STXBP5L: variants seen among roughly 807,000 people sequenced by gnomAD.
STXBP5L encodes syntaxin binding protein 5L, also known as syntaxin-binding protein 5-like.
In STXBP5L, 65 loss-of-function variants were observed where a neutral mutation model predicts 144.5. That is an observed-to-expected ratio of 0.45 (90% confidence interval 0.37 to 0.55). The LOEUF (loss-of-function observed/expected upper bound fraction) is 0.55. Ranked by LOEUF, STXBP5L falls within the 20% of genes least tolerant of loss-of-function variation. The pLI is 0.00. For synonymous variants in STXBP5L, 505 were observed against 469.6 expected, an observed-to-expected ratio of 1.08 and a Z score of -0.97; for missense variants, 1,298 against 1,405.5, an observed-to-expected ratio of 0.92 and a Z score of 1.22.
At chr3:121,176,490 CA>C (rs35855500) in intron 9 of STXBP5L, among the ~76,000 whole-genome samples, 13,670 of 69,906 alleles carry the variant, frequency 0.2, 475 homozygotes, top group African/African-American at 0.23. Flanking sequence ...CCAAACTGGC[CA>C]AAAAAAAAAA....
At chr3:120,913,099 G>GT (rs1708930678) in intron 2 of STXBP5L, among the ~76,000 whole-genome samples, 1 of 151,748 alleles carries the variant, frequency 6.6e-6, no homozygotes, top group Non-Finnish European at 1.5e-5. Context: ...CCTATTCTAT[G>GT]TTTTTCTGTA....
chr3:121,301,262 C>A (rs2051891397), intron 19 of STXBP5L, among the ~76,000 whole-genome samples: 1 of 152,208 alleles, frequency 6.6e-6, no homozygotes, highest in Non-Finnish European at 1.5e-5. Context: ...AGGTCCTTCA[C>A]ATCCCTTGTA....
At chr3:120,998,003 G>A (rs1027794731) in intron 3 of STXBP5L, among the ~76,000 whole-genome samples, 1 of 152,110 alleles carries the variant, frequency 6.6e-6, no homozygotes, top group African/African-American at 2.4e-5. Context: ...CTCAATAGTT[G>A]CAGATAAAGC....
chr3:121,315,988 G>A (rs2043773018), intron 19 of STXBP5L, among the ~76,000 whole-genome samples: 1 of 110,840 alleles, frequency 9.0e-6, no homozygotes, highest in South Asian at 3.8e-4. Context: ...GGGCGATAGT[G>A]AGACTCTGTC....
chr3:120,958,635 C>G (rs1331837927), intron 3 of STXBP5L, among the ~76,000 whole-genome samples: 1 of 152,174 alleles, frequency 6.6e-6, no homozygotes, highest in African/African-American at 2.4e-5. Context: ...AGCATATAAA[C>G]AGAACCAAAG....
chr3:121,175,271 G>A (rs886889032), intron 9 of STXBP5L, among the ~76,000 whole-genome samples: 2 of 152,052 alleles, frequency 1.3e-5, no homozygotes, highest in African/African-American at 2.4e-5. Context: ...AAATTTGAAG[G>A]TTTGGTGCAC....
intron 20 of STXBP5L, among the ~76,000 whole-genome samples, chr3:121,354,631 TC>T (rs1249741044): frequency 6.6e-6 from 1 of 150,688 alleles, no homozygotes; most frequent in East Asian, 2.0e-4. Context: ...CACTGATGGG[TC>T]TTGACTCTTT....
intron 9 of STXBP5L, among the ~76,000 whole-genome samples, chr3:121,163,897 T>G (rs1275661926): frequency 6.6e-6 from 1 of 152,186 alleles, no homozygotes; most frequent in Non-Finnish European, 1.5e-5. Context: ...GTTCTAAATT[T>G]TCTGCTATAC....
chr3:120,932,361 A>G (rs141149478), intron 2 of STXBP5L, among the ~76,000 whole-genome samples: 21 of 152,340 alleles, frequency 1.4e-4, no homozygotes, highest in African/African-American at 4.8e-4. Flanking sequence ...AAAGTAATGC[A>G]GATGTTATTT....
In STXBP5L at chr3:120,978,829, G is replaced by A. The variant is rs537548470; in HGVS notation, c.287+23792G>A. Among the ~76,000 whole-genome samples, 26 of 152,294 alleles carry A rather than the reference G, an allele frequency of 1.7e-4. No individual in the cohort carries two copies. In the East Asian group the frequency reaches 4.2e-3, roughly 25 times the overall value. On this transcript the variant is annotated intron_variant, in intron 3 of 26. Transcript: ENST00000471454. ...GTCCACTCCAGACCCTGTTTGCCTC[G>A]GTATCAGCAGCGGTGGCTGCAGAAC... is the stretch of plus-strand genomic sequence containing the variant.
chr3:121,203,197 C>T (rs2048206030), intron 9 of STXBP5L, among the ~76,000 whole-genome samples: 1 of 152,056 alleles, frequency 6.6e-6, no homozygotes, highest in Admixed American at 6.6e-5. Context: ...ACACTCATCA[C>T]TCCCTAACTT....
intron 20 of STXBP5L, among the ~76,000 whole-genome samples, chr3:121,348,496 C>G (rs545428536): frequency 6.6e-6 from 1 of 152,100 alleles, no homozygotes; most frequent in Admixed American, 6.6e-5. Context: ...AGGATCCCCT[C>G]TTTTTCTATT....
intron 10 of STXBP5L, among the ~76,000 whole-genome samples, chr3:121,215,644 T>C (rs1271562447): frequency 6.6e-6 from 1 of 152,204 alleles, no homozygotes; most frequent in African/African-American, 2.4e-5. Context: ...ATTTTTTCCT[T>C]CATCTCAACT....
chr3:121,400,126 A>G (rs917499559), intron 22 of STXBP5L, among the ~76,000 whole-genome samples: 2 of 152,252 alleles, frequency 1.3e-5, no homozygotes, highest in African/African-American at 4.8e-5. Flanking sequence ...TAATAATTTT[A>G]TCTTTTGATG....
chr3:121,389,726 T>A (rs1468299174), intron 22 of STXBP5L, among the ~76,000 whole-genome samples: 2 of 152,236 alleles, frequency 1.3e-5, no homozygotes, highest in Admixed American at 6.5e-5. Context: ...GAGTTCAAAT[T>A]TGAATTGCAC....
intron 9 of STXBP5L, among the ~76,000 whole-genome samples, chr3:121,168,033 G>A (rs1297288389): frequency 6.6e-6 from 1 of 152,116 alleles, no homozygotes; most frequent in East Asian, 1.9e-4. Flanking sequence ...TGATACCCAG[G>A]CAAACAGGGT....
chr3:121,011,521 C>G (rs753045564), intron 3 of STXBP5L, among the ~76,000 whole-genome samples: 1 of 151,760 alleles, frequency 6.6e-6, no homozygotes, highest in Non-Finnish European at 1.5e-5. Context: ...TTGGTACCCT[C>G]TATTCCTCTC....
At chr3:121,392,491 A>G (rs975506200) in intron 22 of STXBP5L, among the ~76,000 whole-genome samples, 3 of 152,092 alleles carry the variant, frequency 2.0e-5, no homozygotes, top group African/African-American at 7.2e-5. Flanking sequence ...CATCGATTAC[A>G]CTGGGAGCTG....
chr3:121,349,043 T>A (rs2045144870), intron 20 of STXBP5L, among the ~76,000 whole-genome samples: 1 of 152,102 alleles, frequency 6.6e-6, no homozygotes, highest in Non-Finnish European at 1.5e-5. Flanking sequence ...CTTTTAATTG[T>A]GATGTTAGGG....
Sources: gnomAD v4.1 joint callset for allele counts (sites outside exome capture counted in the v4.1 genomes callset) on GRCh38, gnomAD v4.1.1 for gene constraint, MANE v1.5 for transcripts, NCBI Gene and HGNC (gene_info 2026-07-23, HGNC 2026-07-21) for gene names.